The following PLCB3 variants were observed in gnomAD, a reference collection of about 807,000 sequenced individuals.
PLCB3 encodes the protein 1-phosphatidylinositol 4,5-bisphosphate phosphodiesterase beta-3.
In PLCB3, 54 loss-of-function variants were observed where a neutral mutation model predicts 152.1. The observed-to-expected ratio is 0.36, with a 90% CI of 0.29 to 0.45. PLCB3 has a LOEUF of 0.45. Ranked by LOEUF, PLCB3 falls within the 20% of genes least tolerant of loss-of-function variation. The pLI, the probability that PLCB3 is intolerant of heterozygous loss-of-function variation, is 1.00. For synonymous variants in PLCB3, 717 were observed against 698.7 expected (o/e 1.03, Z -0.41); for missense variants, 1,248 against 1,687.5 (o/e 0.74, Z 4.56).
chr11:64,262,620 G>A (rs745421070), intron 18 of PLCB3, 27 bp from the exon 19 acceptor site: 11 of 1,612,950 alleles, frequency 6.8e-6, no homozygotes, highest in South Asian at 5.5e-5. Context: ...CTCAGCATCC[G>A]CCTCACCCTC....
chr11:64,267,936 T>C (rs1163554834), downstream of PLCB3: 1 of 202,280 alleles, frequency 4.9e-6, no homozygotes, highest in Non-Finnish European at 1.0e-5. This position sits in a 1 kb window ranked among gnomAD's most constrained non-coding sequence, Gnocchi z 5.2. Context: ...CTGTGTGCAG[T>C]GTGATTTGGG....
chr11:64,260,562 C>T (rs947868164), intron 14 of PLCB3, among the ~76,000 whole-genome samples: 6 of 151,506 alleles, frequency 4.0e-5, no homozygotes, highest in African/African-American at 1.2e-4. Flanking sequence ...GGTGCAGGAG[C>T]GGGGAGCATT....
In PLCB3 at chr11:64,263,323, C is replaced by G. The variant is rs1414417950; in HGVS notation, c.2356-175C>G. 3 of 588,044 alleles carry G rather than the reference C, an allele frequency of 5.1e-6. No homozygotes were observed. The Admixed American group carries it at 9.3e-5, about 18-fold the overall frequency. 36.4% of individuals were successfully genotyped at this position (588,044 alleles called of 1,614,324 possible). ...TGATGGCTGCAGTCATCCATTAGGC[C>G]AGGACATGGAAGTGGGGTCAGCCAT... On this transcript the variant is annotated intron_variant, in intron 19 of 30. Transcript: ENST00000279230.
downstream of PLCB3, chr11:64,268,871 A>G (rs2032278125): frequency 6.6e-6 from 1 of 152,278 alleles, no homozygotes; most frequent in Non-Finnish European, 1.5e-5. Flanking sequence ...AGGCAAACAG[A>G]TGGGGTGGGG....
intron 19 of PLCB3, among the ~76,000 whole-genome samples, chr11:64,263,142 C>T (rs905709426): frequency 6.6e-6 from 1 of 152,242 alleles, no homozygotes; most frequent in Non-Finnish European, 1.5e-5. Flanking sequence ...GCACCCCGCA[C>T]GGCCCTGCAT....
At chr11:64,265,550 G>A (rs764600511) in intron 25 of PLCB3, 48 bp downstream of exon 25, 2 of 1,544,966 alleles carry the variant, frequency 1.3e-6, no homozygotes, top group East Asian at 2.4e-5. Flanking sequence ...GTGTGCTGAT[G>A]TGAACATGGG....
In PLCB3 at chr11:64,264,096, T is replaced by G; in HGVS notation, c.2636T>G (p.Leu879Arg). Residue 879 changes from leucine to arginine, a missense_variant, in exon 22 of 31, where the codon CTC becomes CGC. Physicochemically the swap from Leu to Arg is moderately radical, Grantham distance 102. Transcript: ENST00000279230. ...MDQRARQLAA[L>R]IGESEAQAGQ... ...CAGAGGGCCCGGCAGCTGGCCGCCC[T>G]CATTGGGGAGAGTGAGGTGAGCCGG... 6.5e-7 allele frequency: 1 copy of G among 1,541,500 alleles called. No individual in the cohort carries two copies.
At chr11:64,264,224 TG>T in intron 22 of PLCB3, 112 bp downstream of exon 22, 1 of 643,086 alleles carries the variant, frequency 1.6e-6, no homozygotes, top group South Asian at 2.7e-5. Context: ...GCAGTAGGCT[TG>T]GCAGCCCTGG....
At chr11:64,263,449 A>G (rs747926965) in intron 19 of PLCB3, 49 bp from the exon 20 acceptor site, 31 of 1,230,776 alleles carry the variant, frequency 2.5e-5, no homozygotes, top group Non-Finnish European at 3.4e-5. Context: ...CCTGGTAGCC[A>G]CAGTGGCCCA....
rs1429342628 is a variant in PLCB3, at chr11:64,267,481, C to T, written c.3630C>T (p.Asn1210=). 1.2e-5 allele frequency: 19 copies of T among 1,565,874 alleles called. No homozygotes were observed. Among genetic ancestry groups the T allele is most frequent in the Non-Finnish European group, 1.5e-5 (17 of 1,160,024 alleles). ...GDGPLVACAS[N]GHAPGSSGHL... is the part of the protein sequence containing the mutation. The stretch of plus-strand genomic sequence containing the variant: ...GGCCTCTGGTGGCCTGTGCCAGCAA[C>T]GGTCACGCACCCGGGAGCAGCGGGC... Residue 1210 remains asparagine (N), a synonymous_variant, in exon 31 of 31, where the codon AAC becomes AAT. Coordinates refer to ENST00000279230, the MANE Select transcript of PLCB3 (RefSeq NM_000932.5). This position sits in a 1 kb window ranked among gnomAD's most constrained non-coding sequence, Gnocchi z 5.2.
intron 19 of PLCB3, 84 bp downstream of exon 19, chr11:64,262,892 G>A: frequency 7.0e-7 from 1 of 1,423,710 alleles, no homozygotes; most frequent in South Asian, 1.2e-5. Context: ...ACAGGAACCA[G>A]GCACACCGTT....
chr11:64,263,983 C>T (rs1193546202), intron 21 of PLCB3, 38 bp from the exon 22 acceptor site: 2 of 1,498,500 alleles, frequency 1.3e-6, no homozygotes, highest in South Asian at 1.2e-5. Flanking sequence ...GGCCTGGGGG[C>T]TCTGTCTCTG....
At chr11:64,262,301 CT>C (rs922390131) in intron 17 of PLCB3, 105 bp from the exon 18 acceptor site, 135 of 1,440,900 alleles carry the variant, frequency 9.4e-5, no homozygotes, top group East Asian at 1.1e-4. Context: ...GAGCCCGCCC[CT>C]GACCCTGGAC....
Position 64,255,825 on chromosome 11 carries a change from A to C in PLCB3, c.698+4A>C, listed in dbSNP as rs1272639693. On this transcript the variant is annotated splice_donor_region_variant and intron_variant, in intron 8 of 30. Coordinates refer to ENST00000279230, the MANE Select transcript of PLCB3 (RefSeq NM_000932.5). This position sits in a 1 kb window ranked among gnomAD's most constrained non-coding sequence, Gnocchi z 6.8. ...TTGACAAGATCCTGCTGGAGATGTG[A>C]GTGGGCCCGGCCTGCCTCACAACCC... 1 of 1,601,748 alleles carries C rather than the reference A, an allele frequency of 6.2e-7. No individual in the cohort carries two copies. Among genetic ancestry groups the C allele is most frequent in the African/African-American group, 1.3e-5 (1 of 74,708 alleles).
At chr11:64,253,302 G>A (rs758783183) in intron 1 of PLCB3, among the ~76,000 whole-genome samples, 1 of 152,188 alleles carries the variant, frequency 6.6e-6, no homozygotes. Context: ...CAGTGATCTC[G>A]GGCAGGCTAC....
chr11:64,258,446 C>T lies in PLCB3; in HGVS notation c.1013-27C>T, dbSNP rs958982043. ...GTGAGGAGCTGGGCTGGTGGGCGGCCTCGGTGACAGAGCCTCGCCGCCCCA... is the reference window on the plus strand; with the variant it reads ...GTGAGGAGCTGGGCTGGTGGGCGGCTTCGGTGACAGAGCCTCGCCGCCCCA... On this transcript the variant is annotated intron_variant, in intron 10 of 30. Coordinates refer to ENST00000279230, the MANE Select transcript of PLCB3 (RefSeq NM_000932.5). This position sits in a 1 kb window ranked among gnomAD's most constrained non-coding sequence, Gnocchi z 7.2. 1.2e-6 allele frequency: 2 copies of T among 1,606,626 alleles called. No homozygotes were observed. The highest frequency in any genetic ancestry group is 1.3e-5 in the African/African-American group (1 of 74,940).
Position 64,260,128 on chromosome 11 carries a change from G to A in PLCB3, c.1625G>A (p.Gly542Asp). 1 of 1,611,472 alleles carries A rather than the reference G, an allele frequency of 6.2e-7. No homozygotes were observed. Among genetic ancestry groups the A allele is most frequent in the South Asian group, 1.1e-5 (1 of 90,662 alleles). Reference protein sequence around the residue: ...LEPQKSLGDEGLNRGPYVLGP... With the variant: ...LEPQKSLGDEDLNRGPYVLGP... ...CCTCAGAAGTCTCTGGGTGACGAGG[G>A]CCTGAACCGAGGCCCCTATGTTCTT... is the stretch of plus-strand genomic sequence containing the variant. Residue 542 changes from glycine to aspartate, a missense_variant, in exon 14 of 31, where the codon GGC (glycine) becomes GAC (aspartate). Around this residue, in one of 6 missense-constraint regions of PLCB3, gnomAD observed 105 missense variants for 100.9 expected, o/e 1.04. Transcript: ENST00000279230.
rs2032137494 is a variant in PLCB3 at position 64,266,619 on chromosome 11, TGCCTG to T, written c.3414+74_3414+78del. 1 of 1,485,784 alleles carries T rather than the reference TGCCTG, an allele frequency of 6.7e-7. No homozygotes were observed. Among genetic ancestry groups the T allele is most frequent in the Non-Finnish European group, 9.4e-7 (1 of 1,064,084 alleles). 92.0% of individuals were successfully genotyped at this position (1,485,784 alleles called of 1,614,324 possible). On this transcript the variant is annotated intron_variant, in intron 29 of 30. Transcript: ENST00000279230. The surrounding 1 kb of genome is among the most constrained non-coding windows in gnomAD (Gnocchi z 4.9). ...TTCACTCATCAGACACCCATCTCCA[TGCCTG>T]GCCTGGTGCCACGTTGCCCTCAAGG...
At position 64,262,220 on chromosome 11, in the gene PLCB3, C is replaced by T. The variant is rs569402809; in HGVS notation, c.2038+144C>T. ...GAACCCAGCTCCCGACTCACCCCGC[C>T]TCCTGCCCTTGGCTGATACCAGACC... On this transcript the variant is annotated intron_variant, in intron 17 of 30. Transcript: ENST00000279230. 6.7e-6 allele frequency: 9 copies of T among 1,345,950 alleles called. No individual in the cohort carries two copies. In the South Asian group the frequency reaches 9.8e-5, roughly 15 times the overall value. 83.4% of individuals were successfully genotyped at this position (1,345,950 alleles called of 1,614,324 possible).
Sources: gnomAD v4.1 joint callset for allele counts (sites outside exome capture counted in the v4.1 genomes callset) on GRCh38, gnomAD v4.1.1 for gene constraint, gnomAD v4.1.1 regional missense constraint, Gnocchi (gnomAD v3.1) non-coding constraint, MANE v1.5 for transcripts, NCBI Gene and HGNC (gene_info 2026-07-23, HGNC 2026-07-21) for gene names.